MAPK4: variants seen among roughly 807,000 people sequenced by gnomAD.
MAPK4 encodes Erk3-related.
MAPK4 carries 22 observed loss-of-function variants against 47.7 expected under a neutral mutation model. The observed-to-expected ratio is 0.46, with a 90% CI of 0.33 to 0.66. The LOEUF (loss-of-function observed/expected upper bound fraction) is 0.66, where lower values mean the gene tolerates loss of function less well. Among genes scored for constraint, MAPK4 ranks in the 30% least tolerant of loss-of-function variants. The probability of loss-of-function intolerance (pLI) is 0.02; values close to 1 mark genes in which losing one functional copy is unlikely to be tolerated. For missense variants in MAPK4, 736 were observed against 831.7 expected (o/e 0.88, Z 1.42); for synonymous variants, 390 against 365.7 (o/e 1.07, Z -0.76).
chr18:50,657,883 G>A (rs538383489), intron 1 of MAPK4, among the ~76,000 whole-genome samples: 73 of 152,146 alleles, frequency 4.8e-4, no homozygotes, highest in Non-Finnish European at 9.0e-4. Flanking sequence ...GCTGCCTGAT[G>A]GCCGAACCAG....
intron 5 of MAPK4, among the ~76,000 whole-genome samples, chr18:50,726,450 G>T (rs1259986127): frequency 6.6e-6 from 1 of 152,140 alleles, no homozygotes; most frequent in Non-Finnish European, 1.5e-5. Flanking sequence ...ACAGTGCTCC[G>T]CAAGGATTTA....
rs1568026921 is a variant in MAPK4, at chr18:50,561,811, T to TGGA, written c.-871+1569_-871+1571dup. 7.2e-5 allele frequency among the ~76,000 whole-genome samples: 11 copies of TGGA among 152,340 alleles called. No individual in the cohort carries two copies. In the South Asian group the frequency reaches 2.3e-3, roughly 32 times the overall value. ...GGCTGAATAGTAAAAAGGCTTGCTC[T>TGGA]GGAACCTCTTTCCAATTCAGTTTCC... On this transcript the variant is annotated intron_variant, in intron 1 of 5. Transcript: ENST00000400384.
chr18:50,651,469 C>T (rs1416970317), intron 1 of MAPK4, among the ~76,000 whole-genome samples: 3 of 152,172 alleles, frequency 2.0e-5, no homozygotes, highest in South Asian at 4.2e-4. Flanking sequence ...GAGATCAATG[C>T]GCTCCCTGGT....
chr18:50,618,131 C>T (rs2042700277), intron 1 of MAPK4, among the ~76,000 whole-genome samples: 1 of 152,124 alleles, frequency 6.6e-6, no homozygotes, highest in African/African-American at 2.4e-5. Context: ...AGTTTAGCCC[C>T]CTTCCCCAGG....
At chr18:50,645,770 G>A (rs902647924) in intron 1 of MAPK4, among the ~76,000 whole-genome samples, 14 of 152,164 alleles carry the variant, frequency 9.2e-5, no homozygotes, top group African/African-American at 3.4e-4. Flanking sequence ...TTGAGGGCAT[G>A]GCATCTGAGG....
rs74176773 is a variant in MAPK4 at position 50,683,453 on chromosome 18, G to GGGGTGTGTGT, written c.546+18950_546+18951insGGTGTGTGTG. On this transcript the variant is annotated intron_variant, in intron 2 of 5. Transcript: ENST00000400384. The stretch of plus-strand genomic sequence containing the variant: ...TGTTCATTATTTTTATTGGTGATGG[G>GGGGTGTGTGT]GTGTGTGTGTGTGTGTGTGTGTGTG... 5.6e-5 allele frequency among the ~76,000 whole-genome samples: 8 copies of GGGGTGTGTGT among 142,256 alleles called. No individual in the cohort carries two copies. The East Asian group carries it at 1.6e-3, about 29-fold the overall frequency. The allele number at this position is 142,256 out of a possible 152,430, so 93.3% of individuals were successfully genotyped here.
Position 50,633,800 on chromosome 18 carries a change from C to G in MAPK4, c.-870-29289C>G, listed in dbSNP as rs376277916. 1.6e-4 allele frequency among the ~76,000 whole-genome samples: 24 copies of G among 152,248 alleles called. 1 individual carries two copies. In the South Asian group the frequency reaches 4.2e-3, roughly 26 times the overall value. On this transcript the variant is annotated intron_variant, in intron 1 of 5. Transcript: ENST00000400384. Reference sequence around the variant, plus strand: ...GGGTTGGTGATGAGCTGCCGTGTGTCGGTTTGATTTTATCTGTGGTCACTT... The same window carrying G: ...GGGTTGGTGATGAGCTGCCGTGTGTGGGTTTGATTTTATCTGTGGTCACTT...
At chr18:50,670,923 C>G (rs1014171687) in intron 2 of MAPK4, among the ~76,000 whole-genome samples, 2 of 152,206 alleles carry the variant, frequency 1.3e-5, no homozygotes, top group African/African-American at 4.8e-5. Flanking sequence ...TCACAAGCCT[C>G]CAAGGGATTC....
chr18:50,703,921 C>T (rs1363523041), intron 2 of MAPK4, among the ~76,000 whole-genome samples: 2 of 152,198 alleles, frequency 1.3e-5, no homozygotes, highest in South Asian at 2.1e-4. Context: ...GTAGGTGAGA[C>T]TCCTGCACCC....
chr18:50,581,908 ATTGTCCTTTTGAAAGCATTAT>A (rs2042349391), intron 1 of MAPK4, among the ~76,000 whole-genome samples: 1 of 152,160 alleles, frequency 6.6e-6, no homozygotes, highest in East Asian at 1.9e-4. Flanking sequence ...TACAATTATC[ATTGTCCTTTTGAAAGCATTAT>A]CTATTGATGA....
In MAPK4 at chr18:50,613,838, T is replaced by C. The variant is rs1223252130; in HGVS notation, c.-870-49251T>C. On this transcript the variant is annotated intron_variant, in intron 1 of 5. Coordinates refer to ENST00000400384, the MANE Select transcript of MAPK4 (RefSeq NM_002747.4). ...TTATCTAGGAAGTAAGCCAGGGCAT[T>C]GCATTGTTTAGGACATAAGTTTAAT... 2.0e-5 allele frequency among the ~76,000 whole-genome samples: 3 copies of C among 152,194 alleles called. No individual in the cohort carries two copies. In the South Asian group the frequency reaches 6.2e-4, roughly 32 times the overall value.
chr18:50,623,609 A>G (rs2042751181), intron 1 of MAPK4, among the ~76,000 whole-genome samples: 1 of 152,168 alleles, frequency 6.6e-6, no homozygotes, highest in Admixed American at 6.5e-5. Flanking sequence ...GGACCACCTC[A>G]GGTGGCCTCC....
intron 1 of MAPK4, among the ~76,000 whole-genome samples, chr18:50,651,486 C>G (rs369003900): frequency 8.5e-5 from 13 of 152,334 alleles, no homozygotes; most frequent in African/African-American, 2.9e-4. Context: ...TGGTATTTCT[C>G]CTGCTAGAAC....
At chr18:50,586,016 A>G (rs1397124187) in intron 1 of MAPK4, among the ~76,000 whole-genome samples, 2 of 152,218 alleles carry the variant, frequency 1.3e-5, no homozygotes, top group African/African-American at 4.8e-5. Context: ...GGGTGGGGAC[A>G]TAGCCAAACC....
intron 1 of MAPK4, among the ~76,000 whole-genome samples, chr18:50,574,904 G>A (rs924383257): frequency 1.1e-3 from 175 of 152,288 alleles, no homozygotes; most frequent in Admixed American, 2.0e-3. Context: ...TGTGAAAGGA[G>A]GGATTAATGG....
chr18:50,577,081 G>A (rs2042304203), intron 1 of MAPK4, among the ~76,000 whole-genome samples: 1 of 152,134 alleles, frequency 6.6e-6, no homozygotes, highest in Admixed American at 6.6e-5. Context: ...AAATATTGAT[G>A]TCTGTGCCCA....
intron 2 of MAPK4, among the ~76,000 whole-genome samples, chr18:50,707,924 G>GTA (rs1910145898): frequency 3.3e-5 from 5 of 152,184 alleles, no homozygotes; most frequent in Non-Finnish European, 7.3e-5. Flanking sequence ...CCTGAAAGGG[G>GTA]ATCAGCAGAT....
intron 2 of MAPK4, among the ~76,000 whole-genome samples, chr18:50,696,903 C>T (rs1909542119): frequency 6.6e-6 from 1 of 151,684 alleles, no homozygotes; most frequent in Non-Finnish European, 1.5e-5. Flanking sequence ...CACTTGAGCA[C>T]CTGGAGAGAG....
intron 2 of MAPK4, among the ~76,000 whole-genome samples, chr18:50,707,021 G>C (rs1277398737): frequency 6.6e-6 from 1 of 152,208 alleles, no homozygotes; most frequent in Non-Finnish European, 1.5e-5. Flanking sequence ...TTTCACCGAA[G>C]TGCTTTTTAA....
Sources: allele counts gnomAD v4.1 joint callset (sites outside exome capture counted in the v4.1 genomes callset), GRCh38; gene constraint gnomAD v4.1.1; transcripts MANE v1.5; gene names NCBI Gene and HGNC (gene_info 2026-07-23, HGNC 2026-07-21).